DNAH7: variants seen among roughly 807,000 people sequenced by gnomAD.
DNAH7 encodes the protein axonemal beta dynein heavy chain 7.
A neutral mutation model predicts 444.6 loss-of-function variants in DNAH7; 397 were observed. The ratio of observed to expected loss-of-function variants is 0.89; its 90% confidence interval spans 0.82 to 0.97. DNAH7 has a LOEUF of 0.97. Among genes scored for constraint, DNAH7 ranks in the 50% least tolerant of loss-of-function variants. DNAH7 has a pLI of 0.00. For missense variants in DNAH7, 4,902 were observed against 4,800.8 expected, an observed-to-expected ratio of 1.02 and a Z score of -0.62; for synonymous variants, 1,636 against 1,624.4, an observed-to-expected ratio of 1.01 and a Z score of -0.17.
intron 58 of DNAH7, among the ~76,000 whole-genome samples, chr2:195,784,385 T>C (rs1255611453): frequency 6.6e-6 from 1 of 152,246 alleles, no homozygotes; most frequent in Non-Finnish European, 1.5e-5. Context: ...TTCTCCCACT[T>C]AGCAATATGC....
At position 195,864,934 on chromosome 2, in the gene DNAH7, T is replaced by G; in HGVS notation, c.6721A>C (p.Met2241Leu). Residue 2241 changes from methionine (M) to leucine (L), a missense_variant, in exon 41 of 65, where the codon ATG becomes CTG. Met to Leu is a conservative substitution (Grantham distance 15, BLOSUM62 2). Coordinates refer to ENST00000312428, the MANE Select transcript of DNAH7 (RefSeq NM_018897.3). Reference sequence around the variant, plus strand: ...AAAAGCTCATGAAAATCTTCATACATGTAGTTTCTCAAAATTTCTTGAATG... The same window carrying G: ...AAAAGCTCATGAAAATCTTCATACAGGTAGTTTCTCAAAATTTCTTGAATG... ...NYIQEILRNY[M>L]YEDFHELFQR... 6.2e-7 allele frequency: 1 copy of G among 1,611,676 alleles called. No homozygotes were observed. Among genetic ancestry groups the G allele is most frequent in the Non-Finnish European group, 8.5e-7 (1 of 1,179,992 alleles).
At chr2:195,807,972 G>A (rs903547796) in intron 53 of DNAH7, among the ~76,000 whole-genome samples, 2 of 152,100 alleles carry the variant, frequency 1.3e-5, no homozygotes, top group African/African-American at 4.8e-5. Flanking sequence ...ACAAAATAAA[G>A]TATAGGTTAA....
chr2:195,787,395 A>AC (rs1464997255), intron 57 of DNAH7, among the ~76,000 whole-genome samples: 1 of 152,156 alleles, frequency 6.6e-6, no homozygotes, highest in Non-Finnish European at 1.5e-5. Context: ...ATAGCTGTGT[A>AC]CCCCAGGTTT....
chr2:196,057,040 C>T (rs539286772), intron 2 of DNAH7, among the ~76,000 whole-genome samples: 1 of 152,186 alleles, frequency 6.6e-6, no homozygotes, highest in South Asian at 2.1e-4. Context: ...TCTAGAAGCC[C>T]GAAGGTCCGT....
chr2:195,759,025 C>CG (rs956025722), intron 61 of DNAH7, among the ~76,000 whole-genome samples: 2 of 152,084 alleles, frequency 1.3e-5, no homozygotes, highest in Non-Finnish European at 2.9e-5. Flanking sequence ...TAGTGGCTTG[C>CG]GGGGGGCATG....
intron 61 of DNAH7, among the ~76,000 whole-genome samples, chr2:195,764,766 C>T (rs1189309773): frequency 6.6e-6 from 1 of 151,672 alleles, no homozygotes; most frequent in Non-Finnish European, 1.5e-5. Flanking sequence ...TATTCCATGT[C>T]AATGGATTGG....
intron 1 of DNAH7, among the ~76,000 whole-genome samples, chr2:196,062,615 C>A (rs918554696): frequency 9.9e-5 from 15 of 152,148 alleles, no homozygotes; most frequent in African/African-American, 3.6e-4. Context: ...GACCTACTTA[C>A]GATCACACCT....
intron 15 of DNAH7, among the ~76,000 whole-genome samples, chr2:195,975,780 C>A (rs2125589211): frequency 6.6e-6 from 1 of 152,306 alleles, no homozygotes; most frequent in Non-Finnish European, 1.5e-5. Context: ...TAGGCCCTAG[C>A]TCCTGGAAGA....
intron 46 of DNAH7, among the ~76,000 whole-genome samples, chr2:195,852,915 C>CAGAGAGAGAG (rs201538951): frequency 2.4e-5 from 2 of 84,584 alleles, no homozygotes; most frequent in South Asian, 4.1e-4. Context: ...CACACACACA[C>CAGAGAGAGAG]AGAGAGAGAG....
intron 34 of DNAH7, among the ~76,000 whole-genome samples, chr2:195,885,119 T>C (rs982131133): frequency 4.6e-5 from 7 of 152,230 alleles, no homozygotes; most frequent in Admixed American, 3.9e-4. Flanking sequence ...AAAAGGAACA[T>C]AGAAATAAAT....
Position 195,756,267 on chromosome 2 carries a change from T to C in DNAH7, c.11452A>G (p.Thr3818Ala), listed in dbSNP as rs767511688. 63 of 1,612,072 alleles carry C rather than the reference T, an allele frequency of 3.9e-5. No homozygotes were observed. The highest frequency in any genetic ancestry group is 5.3e-5 in the Non-Finnish European group (62 of 1,178,830). Residue 3818 changes from threonine to alanine, a missense_variant, in exon 62 of 65, where the codon ACA becomes GCA. Thr to Ala is a moderately conservative substitution (Grantham distance 58, BLOSUM62 0). Coordinates refer to ENST00000312428, the MANE Select transcript of DNAH7 (RefSeq NM_018897.3). ...KAIKGLAVMSTDLEEVVSSIL... is the reference protein window; with the variant it reads ...KAIKGLAVMSADLEEVVSSIL... ...CTGCTAACCACTTCTTCAAGATCTG[T>C]AGACATGACTGCAAGCCCCTGAAAC...
chr2:195,795,323 A>G (rs1185070220), intron 56 of DNAH7, among the ~76,000 whole-genome samples: 1 of 152,248 alleles, frequency 6.6e-6, no homozygotes, highest in African/African-American at 2.4e-5. Flanking sequence ...CGGAGGTTGC[A>G]GTGAGCCAAG....
In DNAH7 at chr2:195,853,537, T is replaced by C. The variant is rs1699513904; in HGVS notation, c.8596-9A>G. ...TTGCTGCAAAGGTCAACCTCGAAAATAAAAGTGAGCTTTTATCAACATTTA... is the reference window on the plus strand; with the variant it reads ...TTGCTGCAAAGGTCAACCTCGAAAACAAAAGTGAGCTTTTATCAACATTTA... On this transcript the variant is annotated splice_polypyrimidine_tract_variant and intron_variant, in intron 45 of 64. Coordinates refer to ENST00000312428, the MANE Select transcript of DNAH7 (RefSeq NM_018897.3). 6.2e-7 allele frequency: 1 copy of C among 1,602,584 alleles called. No homozygotes were observed. The highest frequency in any genetic ancestry group is 2.2e-5 in the East Asian group (1 of 44,554).
At chr2:195,740,642 TATACATATACACAC>T (rs755571531) in intron 64 of DNAH7, 110 bp downstream of exon 64, 7,608 of 92,996 alleles carry the variant, frequency 0.082, 199 homozygotes, top group African/African-American at 0.11. Flanking sequence ...TATATATATA[TATACATATACACAC>T]ACACATATGT....
At chr2:196,011,157 T>C (rs1694708685) in intron 10 of DNAH7, among the ~76,000 whole-genome samples, 1 of 152,168 alleles carries the variant, frequency 6.6e-6, no homozygotes, top group African/African-American at 2.4e-5. Flanking sequence ...AAGAGAAGAT[T>C]TGGAATGCTC....
At chr2:195,748,714 T>G (rs932890773) in intron 63 of DNAH7, among the ~76,000 whole-genome samples, 18 of 152,198 alleles carry the variant, frequency 1.2e-4, no homozygotes, top group Admixed American at 1.0e-3. Context: ...TTGACAAACC[T>G]GAGAAAAACA....
At chr2:195,822,899 T>G (rs183433882) in intron 49 of DNAH7, among the ~76,000 whole-genome samples, 7 of 152,370 alleles carry the variant, frequency 4.6e-5, no homozygotes, top group African/African-American at 1.4e-4. Context: ...TAAATAATAT[T>G]GCTAATAAGT....
At chr2:195,856,610 AGTT>A (rs1008476646) in intron 44 of DNAH7, among the ~76,000 whole-genome samples, 14 of 152,230 alleles carry the variant, frequency 9.2e-5, no homozygotes, top group African/African-American at 3.4e-4. Flanking sequence ...ATCCTATGAC[AGTT>A]GTTTTTTGAA....
intron 58 of DNAH7, among the ~76,000 whole-genome samples, chr2:195,780,398 G>C (rs1695316150): frequency 6.6e-6 from 1 of 150,476 alleles, no homozygotes; most frequent in Admixed American, 6.6e-5. Flanking sequence ...TATCCATTTT[G>C]ATTTATCTTT....
Sources: gnomAD v4.1 joint callset for allele counts (sites outside exome capture counted in the v4.1 genomes callset) on GRCh38, gnomAD v4.1.1 for gene constraint, MANE v1.5 for transcripts, NCBI Gene and HGNC (gene_info 2026-07-23, HGNC 2026-07-21) for gene names.